The following C10orf95 variants were observed in gnomAD, a reference collection of about 807,000 sequenced individuals.
C10orf95 encodes uncharacterized protein C10orf95.
For missense variants in C10orf95, 412 were observed against 327.4 expected (o/e 1.26, Z -1.99); for synonymous variants, 188 against 160.4 (o/e 1.17, Z -1.30).
At position 102,451,502 on chromosome 10, in the gene C10orf95, C is replaced by T; in HGVS notation, c.-171G>A. 1 of 1,371,462 alleles carries T rather than the reference C, an allele frequency of 7.3e-7. No individual in the cohort carries two copies. The highest frequency in any genetic ancestry group is 9.7e-7 in the Non-Finnish European group (1 of 1,032,818). The allele number at this position is 1,371,462 out of a possible 1,614,324, so 85.0% of individuals were successfully genotyped here. On this transcript the variant is annotated 5_prime_UTR_variant, in exon 1 of 2. Coordinates refer to ENST00000625129, the MANE Select transcript of C10orf95 (RefSeq NM_001363580.1). ...TCAGCCACTCCTCCTGGTTACCAGGCAAAAGGAAACACCTTGAGCTGGCCA... is the reference window on the plus strand; with the variant it reads ...TCAGCCACTCCTCCTGGTTACCAGGTAAAAGGAAACACCTTGAGCTGGCCA...
chr10:102,451,039 G>A lies in C10orf95; in HGVS notation c.55C>T (p.Gln19Ter). The change falls in exon 2 of 2, where the codon CAG (glutamine) becomes TAG (stop). Residue 19 changes from glutamine (Q) to a stop codon, truncating the protein, a stop_gained. Transcript: ENST00000625129. LOFTEE classifies it low-confidence loss of function (END_TRUNC). ...GCCAGGTAGGTGCAGGTGAGCAGCT[G>A]CGGCGGCGGCGGCCAGACGCCCTGT... ...PKQGVWPPPP[Q>*]LLTCTYLAAP... is the part of the protein sequence containing the mutation. 1 of 1,356,562 alleles carries A rather than the reference G, an allele frequency of 7.4e-7. No individual in the cohort carries two copies. The highest frequency in any genetic ancestry group is 9.5e-7 in the Non-Finnish European group (1 of 1,053,470). The allele number at this position is 1,356,562 out of a possible 1,614,324, so 84.0% of individuals were successfully genotyped here.
In C10orf95 at chr10:102,450,064, T is replaced by G; in HGVS notation, c.*388A>C. 3.3e-5 allele frequency: 9 copies of G among 274,006 alleles called. No homozygotes were observed. The highest frequency in any genetic ancestry group is 9.9e-5 in the East Asian group (1 of 10,142). 17.0% of individuals were successfully genotyped at this position (274,006 alleles called of 1,614,324 possible). A position where few individuals can be genotyped will look rare whatever the true frequency, so the allele number is the denominator to read the frequency against. The stretch of plus-strand genomic sequence containing the variant: ...AAAGGGGGGTGGGCGACGACTCTGA[T>G]AGAGGGAAAAGAGGAAGGGAAAGTT... On this transcript the variant is annotated 3_prime_UTR_variant, in exon 2 of 2. Transcript: ENST00000625129.
At position 102,450,020 on chromosome 10, in the gene C10orf95, G is replaced by A. The variant is rs2061681567; in HGVS notation, c.*432C>T. ...TCGCCCTCGGCTTGGCAGGAAGGCG[G>A]GGGTAGGGGAGCGGTGGGAAAGGGG... On this transcript the variant is annotated 3_prime_UTR_variant, in exon 2 of 2. Transcript: ENST00000625129. 1 of 246,870 alleles carries A rather than the reference G, an allele frequency of 4.1e-6. No individual in the cohort carries two copies. Among genetic ancestry groups the A allele is most frequent in the Admixed American group, 4.5e-5 (1 of 22,250 alleles). The allele number at this position is 246,870 out of a possible 1,614,324, so 15.3% of individuals were successfully genotyped here. A position where few individuals can be genotyped will look rare whatever the true frequency, so the allele number is the denominator to read the frequency against.
chr10:102,450,654 C>G lies in C10orf95; in HGVS notation c.440G>C (p.Arg147Pro), dbSNP rs907252045. Residue 147 changes from arginine (R) to proline (P), a missense_variant, in exon 2 of 2, where the codon CGC becomes CCC. Physicochemically the swap from Arg to Pro is moderately radical, Grantham distance 103 (BLOSUM62 -2). Transcript: ENST00000625129. ...GGCGCGGGGGTAGGTGCCGTACGCGCGCCGCAGCTCCCGGCGCACGAAGTC... is the reference window on the plus strand; with the variant it reads ...GGCGCGGGGGTAGGTGCCGTACGCGGGCCGCAGCTCCCGGCGCACGAAGTC... ...LPDFVRRELR[R>P]AYGTYPRADV... 7.3e-6 allele frequency: 9 copies of G among 1,226,300 alleles called. No individual in the cohort carries two copies. The highest frequency in any genetic ancestry group is 3.4e-5 in the South Asian group (1 of 29,628). 76.0% of individuals were successfully genotyped at this position (1,226,300 alleles called of 1,614,324 possible). A position where few individuals can be genotyped will look rare whatever the true frequency, so the allele number is the denominator to read the frequency against.
intron 1 of C10orf95, 49 bp from the exon 2 acceptor site, chr10:102,451,196 C>T (rs778978294): frequency 4.0e-5 from 59 of 1,460,690 alleles, no homozygotes; most frequent in Non-Finnish European, 5.0e-5. Context: ...TTAACCGCCT[C>T]CTGTCCCTGT....
chr10:102,450,618 A>G lies in C10orf95; in HGVS notation c.476T>C (p.Val159Ala). ...CAGGAACTGGCCGCGGCGCTGGGTG[A>G]CGCGCACGTCGGCGCGGGGGTAGGT... The part of the protein sequence containing the change: ...YGTYPRADVR[V>A]TQRRGQFLLQ... Residue 159 changes from valine to alanine, a missense_variant, in exon 2 of 2, where the codon GTC (valine) becomes GCC (alanine). Coordinates refer to ENST00000625129, the MANE Select transcript of C10orf95 (RefSeq NM_001363580.1). 1 of 1,240,978 alleles carries G rather than the reference A, an allele frequency of 8.1e-7. No individual in the cohort carries two copies. Among genetic ancestry groups the G allele is most frequent in the Non-Finnish European group, 1.0e-6 (1 of 994,834 alleles). 76.9% of individuals were successfully genotyped at this position (1,240,978 alleles called of 1,614,324 possible).
rs1203198220 is a variant in C10orf95 at position 102,450,730 on chromosome 10, G to T, written c.364C>A (p.Leu122Met). 1.5e-6 allele frequency: 2 copies of T among 1,316,142 alleles called. No homozygotes were observed. Among genetic ancestry groups the T allele is most frequent in the South Asian group, 3.7e-5 (2 of 54,324 alleles). 81.5% of individuals were successfully genotyped at this position (1,316,142 alleles called of 1,614,324 possible). A position where few individuals can be genotyped will look rare whatever the true frequency, so the allele number is the denominator to read the frequency against. ...GCGCGCTCCACGCGGCCCCAGCGCA[G>T]CTCGGTTTGCAGGCTCCCGCCCTCC... ...WPEGGSLQTE[L>M]RWGRVERARG... is the part of the protein sequence containing the mutation. The change falls in exon 2 of 2, where the codon CTG (leucine) becomes ATG (methionine). Residue 122 changes from leucine (L) to methionine (M), a missense_variant. Physicochemically the swap from Leu to Met is conservative, Grantham distance 15 (BLOSUM62 2). Transcript: ENST00000625129.
chr10:102,450,776 G>A lies in C10orf95; in HGVS notation c.318C>T (p.Ala106=), dbSNP rs1464654990. The change falls in exon 2 of 2, where the codon GCC becomes GCT. Residue 106 remains alanine (A), a synonymous_variant. Transcript: ENST00000625129. ...GLSLQAPAAV[A]ESWAPWPEGG... is the part of the protein sequence containing the mutation. The stretch of plus-strand genomic sequence containing the variant: ...CCTCCGGCCACGGCGCCCAGCTCTC[G>A]GCCACCGCCGCGGGCGCCTGCAGCG... 1 of 1,285,736 alleles carries A rather than the reference G, an allele frequency of 7.8e-7. No individual in the cohort carries two copies. The highest frequency in any genetic ancestry group is 3.4e-5 in the East Asian group (1 of 29,678). The allele number at this position is 1,285,736 out of a possible 1,614,324, so 79.6% of individuals were successfully genotyped here. A position where few individuals can be genotyped will look rare whatever the true frequency, so the allele number is the denominator to read the frequency against.
rs141317100 is a variant in C10orf95 at position 102,451,406 on chromosome 10, G to T, written c.-75C>A. 2.0e-6 allele frequency: 3 copies of T among 1,510,388 alleles called. No individual in the cohort carries two copies. The highest frequency in any genetic ancestry group is 2.7e-6 in the Non-Finnish European group (3 of 1,116,328). 93.6% of individuals were successfully genotyped at this position (1,510,388 alleles called of 1,614,324 possible). ...CTCACTTGTCTCCTTCAGCCTTGGGGAGCCGGCGGGATCCAGAGCGGGGCT... is the reference window on the plus strand; with the variant it reads ...CTCACTTGTCTCCTTCAGCCTTGGGTAGCCGGCGGGATCCAGAGCGGGGCT... On this transcript the variant is annotated 5_prime_UTR_variant, in exon 1 of 2. Transcript: ENST00000625129.
In C10orf95 at chr10:102,450,747, C is replaced by A. The variant is rs2061687070; in HGVS notation, c.347G>T (p.Gly116Val). ...AESWAPWPEG[G>V]SLQTELRWGR... ...CCAGCGCAGCTCGGTTTGCAGGCTCCCGCCCTCCGGCCACGGCGCCCAGCT... is the reference window on the plus strand; with the variant it reads ...CCAGCGCAGCTCGGTTTGCAGGCTCACGCCCTCCGGCCACGGCGCCCAGCT... The change falls in exon 2 of 2, where the codon GGG becomes GTG. Residue 116 changes from glycine (G) to valine (V), a missense_variant. Gly to Val is a moderately radical substitution (Grantham distance 109). Transcript: ENST00000625129. The A allele has an allele frequency of 7.6e-7, 1 of 1,315,526 alleles. No individual in the cohort carries two copies. Among genetic ancestry groups the A allele is most frequent in the Admixed American group, 3.3e-5 (1 of 30,758 alleles). The allele number at this position is 1,315,526 out of a possible 1,614,324, so 81.5% of individuals were successfully genotyped here.
chr10:102,451,376 C>T lies in C10orf95; in HGVS notation c.-55+10G>A, dbSNP rs764307954. 6 of 1,555,902 alleles carry T rather than the reference C, an allele frequency of 3.9e-6. No homozygotes were observed. Among genetic ancestry groups the T allele is most frequent in the African/African-American group, 1.4e-5 (1 of 73,742 alleles). On this transcript the variant is annotated intron_variant, in intron 1 of 1. Transcript: ENST00000625129. ...CGCCGGGATGCTCTTCCCAGTGACTCCCCACTCACTTGTCTCCTTCAGCCT... is the reference window on the plus strand; with the variant it reads ...CGCCGGGATGCTCTTCCCAGTGACTTCCCACTCACTTGTCTCCTTCAGCCT...
At position 102,451,430 on chromosome 10, in the gene C10orf95, C is replaced by T. The variant is rs1356375832; in HGVS notation, c.-99G>A. The T allele has an allele frequency of 6.8e-6, 10 of 1,467,382 alleles. No individual in the cohort carries two copies. The East Asian group carries it at 2.9e-4, about 43-fold the overall frequency. The allele number at this position is 1,467,382 out of a possible 1,614,324, so 90.9% of individuals were successfully genotyped here. A position where few individuals can be genotyped will look rare whatever the true frequency, so the allele number is the denominator to read the frequency against. On this transcript the variant is annotated 5_prime_UTR_variant, in exon 1 of 2. Transcript: ENST00000625129. The stretch of plus-strand genomic sequence containing the variant: ...GGAGCCGGCGGGATCCAGAGCGGGG[C>T]TCCTCTCCGCACTTTGTAGCTGCGT...
Position 102,451,105 on chromosome 10 carries a change from CA to C in C10orf95, c.-13del. ...CTGTACACATACATGGTCGGCCCCC[CA>C]GGCGGCTGCTGTTCTTACTGGGGGC... On this transcript the variant is annotated 5_prime_UTR_variant, in exon 2 of 2. Coordinates refer to ENST00000625129, the MANE Select transcript of C10orf95 (RefSeq NM_001363580.1). 1 of 1,441,056 alleles carries C rather than the reference CA, an allele frequency of 6.9e-7. No homozygotes were observed. Among genetic ancestry groups the C allele is most frequent in the Non-Finnish European group, 9.1e-7 (1 of 1,099,746 alleles). 89.3% of individuals were successfully genotyped at this position (1,441,056 alleles called of 1,614,324 possible).
Position 102,450,335 on chromosome 10 carries a change from G to T in C10orf95, c.*117C>A. On this transcript the variant is annotated 3_prime_UTR_variant, in exon 2 of 2. Transcript: ENST00000625129. Reference sequence around the variant, plus strand: ...TGGGAGAAGCCAAAAAGACAGGTGAGCAGCGCGTCCGCCTCCCGCGCACAG... The same window carrying T: ...TGGGAGAAGCCAAAAAGACAGGTGATCAGCGCGTCCGCCTCCCGCGCACAG... 1 of 1,119,628 alleles carries T rather than the reference G, an allele frequency of 8.9e-7. No individual in the cohort carries two copies. The highest frequency in any genetic ancestry group is 1.3e-6 in the Non-Finnish European group (1 of 771,664). 69.4% of individuals were successfully genotyped at this position (1,119,628 alleles called of 1,614,324 possible).
chr10:102,450,484 C>A lies in C10orf95; in HGVS notation c.610G>T (p.Gly204Cys). 1 of 1,452,554 alleles carries A rather than the reference C, an allele frequency of 6.9e-7. No individual in the cohort carries two copies. Among genetic ancestry groups the A allele is most frequent in the Non-Finnish European group, 9.0e-7 (1 of 1,109,026 alleles). 90.0% of individuals were successfully genotyped at this position (1,452,554 alleles called of 1,614,324 possible). The change falls in exon 2 of 2, where the codon GGC becomes TGC. Residue 204 changes from glycine (G) to cysteine (C), a missense_variant. Physicochemically the swap from Gly to Cys is radical, Grantham distance 159. Coordinates refer to ENST00000625129, the MANE Select transcript of C10orf95 (RefSeq NM_001363580.1). ...SSPAREAAERGRPRKSKGLS is the reference protein window; with the variant it reads ...SSPAREAAERCRPRKSKGLS ...AGGCCCTTGCTCTTCCTGGGGCGGCCGCGCTCCGCGGCTTCCCGGGCTGGG... is the reference window on the plus strand; with the variant it reads ...AGGCCCTTGCTCTTCCTGGGGCGGCAGCGCTCCGCGGCTTCCCGGGCTGGG...
Position 102,450,840 on chromosome 10 carries a change from A to G in C10orf95, c.254T>C (p.Leu85Pro). ...GCCGGCGGCGGCGCAGGGCCGGCGC[A>G]GGGTCGTGGCGTAGGCCGGAGGGCA... ...WACPPAYATT[L>P]RRPCAAAGIS... Residue 85 changes from leucine (L) to proline (P), a missense_variant, in exon 2 of 2, where the codon CTG becomes CCG. Leu to Pro is a moderately conservative substitution (Grantham distance 98). Coordinates refer to ENST00000625129, the MANE Select transcript of C10orf95 (RefSeq NM_001363580.1). The G allele has an allele frequency of 1.6e-6, 2 of 1,244,030 alleles. No individual in the cohort carries two copies. The highest frequency in any genetic ancestry group is 1.0e-6 in the Non-Finnish European group (1 of 996,396). 77.1% of individuals were successfully genotyped at this position (1,244,030 alleles called of 1,614,324 possible).
In C10orf95 at chr10:102,451,018, G is replaced by A. The variant is rs2061689521; in HGVS notation, c.76C>T (p.Leu26=). Residue 26 remains leucine (L), a synonymous_variant, in exon 2 of 2, where the codon CTG becomes TTG. Transcript: ENST00000625129. ...GGGGGTAGCAGCAGAGGGGCGGCCAGGTAGGTGCAGGTGAGCAGCTGCGGC... is the reference window on the plus strand; with the variant it reads ...GGGGGTAGCAGCAGAGGGGCGGCCAAGTAGGTGCAGGTGAGCAGCTGCGGC... ...PPPQLLTCTY[L]AAPLLLPPVQ... 9 of 1,329,468 alleles carry A rather than the reference G, an allele frequency of 6.8e-6. No individual in the cohort carries two copies. Among genetic ancestry groups the A allele is most frequent in the Non-Finnish European group, 7.7e-6 (8 of 1,038,464 alleles). The allele number at this position is 1,329,468 out of a possible 1,614,324, so 82.4% of individuals were successfully genotyped here.
At chr10:102,451,319 C>T (rs968050554) in intron 1 of C10orf95, 67 bp downstream of exon 1, 2 of 1,513,538 alleles carry the variant, frequency 1.3e-6, no homozygotes, top group African/African-American at 1.4e-5. Context: ...CTCAGGCTCC[C>T]AGCAGACAAT....
chr10:102,450,233 C>A lies in C10orf95; in HGVS notation c.*219G>T. 2 of 680,762 alleles carry A rather than the reference C, an allele frequency of 2.9e-6. No homozygotes were observed. The highest frequency in any genetic ancestry group is 5.4e-6 in the Non-Finnish European group (2 of 372,816). The allele number at this position is 680,762 out of a possible 1,614,324, so 42.2% of individuals were successfully genotyped here. On this transcript the variant is annotated 3_prime_UTR_variant, in exon 2 of 2. Coordinates refer to ENST00000625129, the MANE Select transcript of C10orf95 (RefSeq NM_001363580.1). The stretch of plus-strand genomic sequence containing the variant: ...AGAACACCCAGAGGTGCCCTCGATT[C>A]CGTCTTGCACTTGCCCTTCTCCCAC...
Sources: gnomAD v4.1 joint callset for allele counts on GRCh38, gnomAD v4.1.1 for gene constraint, MANE v1.5 for transcripts, NCBI Gene and HGNC (gene_info 2026-07-23, HGNC 2026-07-21) for gene names.